Variants in PCNX2 observed in about 807,000 individuals in gnomAD.
PCNX2 encodes pecanex-like protein 2.
In PCNX2, 168 loss-of-function variants were observed where a neutral mutation model predicts 223.8. That is an observed-to-expected ratio of 0.75 (90% CI 0.66 to 0.85). The LOEUF (loss-of-function observed/expected upper bound fraction) is 0.85. Among genes scored for constraint, PCNX2 ranks in the 40% least tolerant of loss-of-function variants. The probability of loss-of-function intolerance (pLI) is 0.00; values close to 1 mark genes in which losing one functional copy is unlikely to be tolerated. For missense variants in PCNX2, 2,507 were observed against 2,675.5 expected (o/e 0.94, Z 1.39); for synonymous variants, 1,006 against 1,052.6 (o/e 0.96, Z 0.86).
At chr1:233,226,548 G>T (rs890383309) in intron 10 of PCNX2, among the ~76,000 whole-genome samples, 2 of 152,172 alleles carry the variant, frequency 1.3e-5, no homozygotes, top group Non-Finnish European at 2.9e-5. Context: ...GGGATTACGG[G>T]CTTGACCCAC....
intron 25 of PCNX2, among the ~76,000 whole-genome samples, chr1:233,052,312 A>T (rs1558189151): frequency 6.6e-6 from 1 of 152,230 alleles, no homozygotes; most frequent in Non-Finnish European, 1.5e-5. Flanking sequence ...CTGGGAAAAC[A>T]TGACAACTTG....
the PCNX2 span, among the ~76,000 whole-genome samples, chr1:233,313,785 CA>C: frequency 6.6e-6 from 1 of 152,082 alleles, no homozygotes; most frequent in Non-Finnish European, 1.5e-5. Context: ...ATGACCCAAA[CA>C]TAGGAAAAAA....
At chr1:233,238,197 T>G (rs1299344590) in intron 8 of PCNX2, among the ~76,000 whole-genome samples, 2 of 152,208 alleles carry the variant, frequency 1.3e-5, no homozygotes, top group Non-Finnish European at 2.9e-5. Flanking sequence ...TACAGAAGGT[T>G]ACTTGTAGCC....
At chr1:233,294,110 T>C (rs1158296578) in intron 1 of PCNX2, 11 of 575,358 alleles carry the variant, frequency 1.9e-5, no homozygotes, top group Non-Finnish European at 2.2e-6. Flanking sequence ...ATGATATGAA[T>C]GCTAAGTTTT....
At chr1:233,279,326 C>T (rs1224522364) in intron 1 of PCNX2, among the ~76,000 whole-genome samples, 1 of 151,962 alleles carries the variant, frequency 6.6e-6, no homozygotes, top group African/African-American at 2.4e-5. Flanking sequence ...TCAAGTGATC[C>T]ACCTCAGCCT....
At chr1:233,022,028 G>A (rs932415784) in intron 26 of PCNX2, among the ~76,000 whole-genome samples, 1 of 152,094 alleles carries the variant, frequency 6.6e-6, no homozygotes, top group South Asian at 2.1e-4. Context: ...CCCAGACAGG[G>A]CATCTCACTC....
chr1:233,288,804 CTTT>C (rs10558976), intron 1 of PCNX2: 51,844 of 425,476 alleles, frequency 0.12, 23 homozygotes, highest in East Asian at 0.19. Context: ...GAAAGATGCC[CTTT>C]TTTTTTTTTT....
chr1:233,107,679 A>AC (rs1553290542), intron 21 of PCNX2, among the ~76,000 whole-genome samples: 8 of 150,216 alleles, frequency 5.3e-5, no homozygotes, highest in South Asian at 2.1e-4. Context: ...AAAAAAAAAA[A>AC]CCCACAAACT....
intron 17 of PCNX2, among the ~76,000 whole-genome samples, chr1:233,175,634 C>T (rs781566128): frequency 1.3e-5 from 2 of 152,152 alleles, no homozygotes; most frequent in Non-Finnish European, 2.9e-5. Flanking sequence ...GACCTTCTCC[C>T]TGTAAGTCTC....
the PCNX2 span, among the ~76,000 whole-genome samples, chr1:233,317,361 C>T: frequency 6.6e-6 from 1 of 152,178 alleles, no homozygotes; most frequent in African/African-American, 2.4e-5. Context: ...TTGCAGTGAG[C>T]TGAGATCGTG....
At chr1:233,260,934 A>AT (rs916336096) in intron 4 of PCNX2, among the ~76,000 whole-genome samples, 3 of 152,202 alleles carry the variant, frequency 2.0e-5, no homozygotes, top group Non-Finnish European at 4.4e-5. Context: ...TTATCCTGTC[A>AT]TTTTTTGATG....
rs1056047436 is a variant in PCNX2 at position 233,253,959 on chromosome 1, G to C, written c.1835-1171C>G. On this transcript the variant is annotated intron_variant, in intron 5 of 33. Transcript: ENST00000258229. The surrounding 1 kb of genome is among the most constrained non-coding windows in gnomAD (Gnocchi z 4.2). ...ATGACTTACTCTGAGTAAATGATTG[G>C]CTCTTAAGCTCAACAGCCTGTGCCT... Among the ~76,000 whole-genome samples, 1 of 152,200 alleles carries C rather than the reference G, an allele frequency of 6.6e-6. No homozygotes were observed. The highest frequency in any genetic ancestry group is 6.5e-5 in the Admixed American group (1 of 15,280).
At chr1:233,128,320 A>C (rs1174340627) in intron 21 of PCNX2, among the ~76,000 whole-genome samples, 1 of 151,830 alleles carries the variant, frequency 6.6e-6, no homozygotes, top group East Asian at 1.9e-4. Context: ...TTTAAAAACA[A>C]TGTTTTTTTT....
At chr1:233,013,714 CCTTT>C (rs1290593892) in intron 28 of PCNX2, among the ~76,000 whole-genome samples, 1 of 152,174 alleles carries the variant, frequency 6.6e-6, no homozygotes, top group Non-Finnish European at 1.5e-5. Context: ...GTAGAGGCCC[CCTTT>C]CTTCTCTAAG....
intron 12 of PCNX2, among the ~76,000 whole-genome samples, chr1:233,212,632 C>T (rs1003097592): frequency 3.5e-4 from 54 of 152,184 alleles, no homozygotes; most frequent in African/African-American, 1.3e-3. Context: ...TCCTAGTTCA[C>T]GTATTTTCCT....
intron 21 of PCNX2, among the ~76,000 whole-genome samples, chr1:233,115,571 C>A (rs1319172798): frequency 6.6e-6 from 1 of 152,130 alleles, no homozygotes; most frequent in Non-Finnish European, 1.5e-5. Flanking sequence ...ACAGGTTCAA[C>A]TTTGAACAAT....
intron 1 of PCNX2, among the ~76,000 whole-genome samples, chr1:233,273,236 A>G (rs1177066321): frequency 6.6e-6 from 1 of 151,842 alleles, no homozygotes; most frequent in Non-Finnish European, 1.5e-5. Context: ...TCATTTTTAA[A>G]GGAACAGTGA....
chr1:233,082,201 A>C (rs1031318772), intron 23 of PCNX2, among the ~76,000 whole-genome samples: 3 of 152,126 alleles, frequency 2.0e-5, no homozygotes, highest in Non-Finnish European at 2.9e-5. Context: ...CTACTTCCAG[A>C]GTGAATGTTA....
chr1:233,260,260 A>C (rs1031387471), intron 4 of PCNX2, among the ~76,000 whole-genome samples: 1 of 152,246 alleles, frequency 6.6e-6, no homozygotes, highest in African/African-American at 2.4e-5. Flanking sequence ...GAAATAATGT[A>C]TGTAAAACTT....
Sources: gnomAD v4.1 joint callset for allele counts (sites outside exome capture counted in the v4.1 genomes callset) on GRCh38, gnomAD v4.1.1 for gene constraint, Gnocchi (gnomAD v3.1) non-coding constraint, MANE v1.5 for transcripts, NCBI Gene and HGNC (gene_info 2026-07-23, HGNC 2026-07-21) for gene names.